CHST9: variants seen among roughly 807,000 people sequenced by gnomAD.
The protein encoded by CHST9 is carbohydrate sulfotransferase 9, also known as GalNAc-4-sulfotransferase 2.
In CHST9, 41 loss-of-function variants were observed where a neutral mutation model predicts 44.4. The observed-to-expected ratio is 0.92, with a 90% confidence interval of 0.72 to 1.20. The LOEUF is 1.20. Among genes scored for constraint, CHST9 ranks in the 50% most tolerant of loss-of-function variants. The probability of loss-of-function intolerance (pLI) is 0.00; values close to 1 mark genes in which losing one functional copy is unlikely to be tolerated. For synonymous variants in CHST9, 171 were observed against 178.4 expected (o/e 0.96, Z 0.33); for missense variants, 504 against 516.5 (o/e 0.98, Z 0.23).
chr18:26,982,712 C>T (rs2056707468), intron 4 of CHST9, among the ~76,000 whole-genome samples: 1 of 152,134 alleles, frequency 6.6e-6, no homozygotes, highest in Admixed American at 6.6e-5. Context: ...TGTTCCTAAC[C>T]TCCTTGAAGT....
At chr18:26,997,207 G>A (rs1365540280) in intron 4 of CHST9, among the ~76,000 whole-genome samples, 2 of 152,170 alleles carry the variant, frequency 1.3e-5, no homozygotes, top group Non-Finnish European at 2.9e-5. Context: ...ATAAATGTTG[G>A]TGATCATGCA....
intron 2 of CHST9, among the ~76,000 whole-genome samples, chr18:27,097,391 G>A (rs975462171): frequency 6.6e-6 from 1 of 151,972 alleles, no homozygotes; most frequent in African/African-American, 2.4e-5. Context: ...GAAGCACTAG[G>A]CAGAGGAATC....
rs1458258767 is a variant in CHST9 at position 26,908,377 on chromosome 18, AC to A, written c.*7881del. On this transcript the variant is annotated 3_prime_UTR_variant, in exon 6 of 6. Transcript: ENST00000618847. ...GGTTGCAGTGAGCAGAGATGGTGCC[AC>A]TGCACTGCAGCCTGGGCGACAAGAG... 6.6e-6 allele frequency: 1 copy of A among 152,148 alleles called. No individual in the cohort carries two copies. The highest frequency in any genetic ancestry group is 1.5e-5 in the Non-Finnish European group (1 of 68,016). The allele number at this position is 152,148 out of a possible 1,614,324, so 9.4% of individuals were successfully genotyped here. A position where few individuals can be genotyped will look rare whatever the true frequency, so the allele number is the denominator to read the frequency against.
intron 4 of CHST9, among the ~76,000 whole-genome samples, chr18:26,987,170 G>A (rs980646862): frequency 9.2e-5 from 14 of 152,202 alleles, no homozygotes; most frequent in African/African-American, 3.1e-4. Context: ...CAATAAGTCA[G>A]TTCTAGCTCC....
chr18:27,080,051 C>G (rs2057945275), intron 2 of CHST9, among the ~76,000 whole-genome samples: 1 of 152,062 alleles, frequency 6.6e-6, no homozygotes, highest in Admixed American at 6.5e-5. Context: ...TTTGGGAGCC[C>G]TTATTCAGCC....
At chr18:27,095,277 G>T (rs2058106249) in intron 2 of CHST9, among the ~76,000 whole-genome samples, 1 of 152,102 alleles carries the variant, frequency 6.6e-6, no homozygotes, top group East Asian at 1.9e-4. Flanking sequence ...CTCTAATCTA[G>T]CATGAAGATG....
intron 2 of CHST9, among the ~76,000 whole-genome samples, chr18:27,075,185 T>TG (rs1158173853): frequency 5.3e-5 from 8 of 151,070 alleles, no homozygotes; most frequent in Admixed American, 3.3e-4. Flanking sequence ...TTTTGTTTTT[T>TG]TTTTGGCTGA....
At chr18:26,980,938 T>A (rs147585602) in intron 4 of CHST9, among the ~76,000 whole-genome samples, 1 of 152,150 alleles carries the variant, frequency 6.6e-6, no homozygotes, top group Non-Finnish European at 1.5e-5. Context: ...TTAAAGAATA[T>A]ATGTGCTTTT....
At chr18:27,140,984 G>A (rs1234452509) in intron 2 of CHST9, among the ~76,000 whole-genome samples, 3 of 152,174 alleles carry the variant, frequency 2.0e-5, no homozygotes, top group Non-Finnish European at 2.9e-5. Context: ...GTGTTGTCCA[G>A]GGGCAGTGGC....
At chr18:27,181,302 C>T (rs768597567) in intron 1 of CHST9, among the ~76,000 whole-genome samples, 6 of 152,172 alleles carry the variant, frequency 3.9e-5, no homozygotes, top group Non-Finnish European at 5.9e-5. Flanking sequence ...GCTGAAGTAA[C>T]TCATCTACAA....
At chr18:26,957,732 T>G (rs955139641) in intron 4 of CHST9, among the ~76,000 whole-genome samples, 4 of 152,158 alleles carry the variant, frequency 2.6e-5, no homozygotes. Context: ...GTGAGTAGAT[T>G]GTGTGTGTAT....
chr18:26,972,969 G>T (rs911946422), intron 4 of CHST9, among the ~76,000 whole-genome samples: 3 of 152,298 alleles, frequency 2.0e-5, no homozygotes, highest in African/African-American at 7.2e-5. Flanking sequence ...CTCGTTTACT[G>T]AAGCCAGCTA....
intron 4 of CHST9, among the ~76,000 whole-genome samples, chr18:27,014,029 T>C (rs937156150): frequency 2.8e-4 from 42 of 152,334 alleles, no homozygotes; most frequent in African/African-American, 9.1e-4. Flanking sequence ...AAATAAAATA[T>C]GTGAGTGCAA....
At chr18:27,150,414 T>C (rs771124676) in intron 1 of CHST9, among the ~76,000 whole-genome samples, 1 of 152,224 alleles carries the variant, frequency 6.6e-6, no homozygotes, top group Non-Finnish European at 1.5e-5. Flanking sequence ...ACCTTCTTTC[T>C]CACTGGGGCA....
In CHST9 at chr18:26,912,622, A is replaced by G. The variant is rs371718347; in HGVS notation, c.*3637T>C. The G allele has an allele frequency of 6.6e-6, 1 of 152,210 alleles. No individual in the cohort carries two copies. The highest frequency in any genetic ancestry group is 6.5e-5 in the Admixed American group (1 of 15,270). 9.4% of individuals were successfully genotyped at this position (152,210 alleles called of 1,614,324 possible). ...GTCTCCTTAGGCAAGTTACTCAGCT[A>G]TAGTCTGCTTTACTTTCCTTTATGA... On this transcript the variant is annotated 3_prime_UTR_variant, in exon 6 of 6. Transcript: ENST00000618847.
intron 3 of CHST9, among the ~76,000 whole-genome samples, chr18:27,039,376 A>C (rs1427680454): frequency 6.6e-6 from 1 of 152,184 alleles, no homozygotes; most frequent in Non-Finnish European, 1.5e-5. Context: ...CATGGATGAA[A>C]TTTGATGTTA....
At chr18:27,152,461 T>C (rs1187219077) in intron 1 of CHST9, among the ~76,000 whole-genome samples, 1 of 152,122 alleles carries the variant, frequency 6.6e-6, no homozygotes, top group Admixed American at 6.6e-5. Flanking sequence ...GCAAAATGAT[T>C]TGTTCATCCC....
chr18:26,960,373 G>A (rs934019775), intron 4 of CHST9, among the ~76,000 whole-genome samples: 9 of 152,190 alleles, frequency 5.9e-5, no homozygotes, highest in Non-Finnish European at 1.2e-4. Flanking sequence ...TGAATAAGAA[G>A]AGACTCCTTC....
chr18:27,157,040 G>T (rs2058702900), intron 1 of CHST9, among the ~76,000 whole-genome samples: 1 of 151,838 alleles, frequency 6.6e-6, no homozygotes, highest in Non-Finnish European at 1.5e-5. Context: ...AATTATTTTT[G>T]TCACATTATT....
Sources: gnomAD v4.1 joint callset for allele counts (sites outside exome capture counted in the v4.1 genomes callset) on GRCh38, gnomAD v4.1.1 for gene constraint, MANE v1.5 for transcripts, NCBI Gene and HGNC (gene_info 2026-07-23, HGNC 2026-07-21) for gene names.